CAPS2: variants seen among roughly 807,000 people sequenced by gnomAD.
The protein encoded by CAPS2 is calcyphosin-2.
In CAPS2, 98 loss-of-function variants were observed where a neutral mutation model predicts 86.5. The ratio of observed to expected loss-of-function variants is 1.13; its 90% CI spans 0.96 to 1.34. The LOEUF is 1.34. Among genes scored for constraint, CAPS2 ranks in the 40% most tolerant of loss-of-function variants. The pLI is 0.00. For missense variants in CAPS2, 729 were observed against 686.8 expected, an observed-to-expected ratio of 1.06 and a Z score of -0.69; for synonymous variants, 210 against 225.1, an observed-to-expected ratio of 0.93 and a Z score of 0.60.
At chr12:75,389,866 G>A (rs1369733247) in intron 1 of CAPS2, among the ~76,000 whole-genome samples, 1 of 152,090 alleles carries the variant, frequency 6.6e-6, no homozygotes, top group Non-Finnish European at 1.5e-5. Flanking sequence ...CTTGAAAGCT[G>A]GATCTGTGTC....
At chr12:75,337,204 C>G (rs532794647) in intron 1 of CAPS2, among the ~76,000 whole-genome samples, 1 of 151,430 alleles carries the variant, frequency 6.6e-6, no homozygotes, top group African/African-American at 2.4e-5. Flanking sequence ...AGGTAGGAAA[C>G]AAGTTTAAAT....
upstream of CAPS2, chr12:75,333,902 G>A (rs1194981839): frequency 1.3e-5 from 2 of 152,156 alleles, no homozygotes; most frequent in Admixed American, 6.5e-5. Flanking sequence ...CTGATGTAAT[G>A]AATTTAAAAC....
rs535946972 is a variant in CAPS2, at chr12:75,320,411, C to T, written c.468+989G>A. 3.3e-5 allele frequency among the ~76,000 whole-genome samples: 5 copies of T among 152,136 alleles called. No individual in the cohort carries two copies. The East Asian group carries it at 9.7e-4, about 29-fold the overall frequency. ...CCTGCAAACAATACATGGTGAGATG[C>T]TAAAAGGTTATGAAATTATTTTGCC... On this transcript the variant is annotated intron_variant, in intron 5 of 16. Coordinates refer to ENST00000393284, the Ensembl canonical transcript of CAPS2.
intron 1 of CAPS2, chr12:75,370,394 A>G (rs957549117): frequency 1.8e-5 from 7 of 388,690 alleles, no homozygotes; most frequent in Non-Finnish European, 2.8e-5. Context: ...TTACAAATCC[A>G]TATGTGTATC....
At chr12:75,293,121 A>C in intron 12 of CAPS2, 128 bp downstream of exon 12, 1 of 622,000 alleles carries the variant, frequency 1.6e-6, no homozygotes, top group South Asian at 2.1e-5. Flanking sequence ...ATACGTAGCT[A>C]TGCTTGTTTT....
chr12:75,383,291 G>A (rs910164975), intron 1 of CAPS2, among the ~76,000 whole-genome samples: 2 of 152,096 alleles, frequency 1.3e-5, no homozygotes, highest in Non-Finnish European at 2.9e-5. Flanking sequence ...GAAACCAAAT[G>A]AGATGCTTTT....
intron 14 of CAPS2, among the ~76,000 whole-genome samples, chr12:75,287,075 C>T (rs2035001846): frequency 6.6e-6 from 1 of 150,800 alleles, no homozygotes; most frequent in South Asian, 2.1e-4. Flanking sequence ...CAAGCACACA[C>T]ACACAAACAC....
At chr12:75,312,285 T>C (rs1319529849) in intron 7 of CAPS2, among the ~76,000 whole-genome samples, 1 of 152,194 alleles carries the variant, frequency 6.6e-6, no homozygotes, top group Non-Finnish European at 1.5e-5. Context: ...ATACTTGACA[T>C]CACTTGCACA....
intron 6 of CAPS2, 126 bp downstream of exon 6, chr12:75,316,186 A>G (rs2039740114): frequency 9.3e-6 from 11 of 1,181,040 alleles, no homozygotes; most frequent in Non-Finnish European, 1.3e-5. Flanking sequence ...TCAATTTTCC[A>G]TTAATGAATA....
At chr12:75,390,384 G>A (rs1167798569) in intron 1 of CAPS2, 3 of 456,162 alleles carry the variant, frequency 6.6e-6, no homozygotes, top group Non-Finnish European at 1.3e-5. Context: ...GAATTGTGCT[G>A]ATGAGAGAAG....
At chr12:75,343,718 T>C (rs747990084) in intron 1 of CAPS2, 8 of 1,611,268 alleles carry the variant, frequency 5.0e-6, no homozygotes, top group South Asian at 2.2e-5. Context: ...TTAGCAAAGA[T>C]GGCTAAAGCA....
intron 1 of CAPS2, among the ~76,000 whole-genome samples, chr12:75,381,299 C>T (rs1165194869): frequency 6.6e-6 from 1 of 152,194 alleles, no homozygotes; most frequent in African/African-American, 2.4e-5. Context: ...GAGAACTTCC[C>T]TAGCCATGCG....
intron 1 of CAPS2, chr12:75,362,955 AGAAAT>A: frequency 2.0e-6 from 1 of 502,232 alleles, no homozygotes; most frequent in Non-Finnish European, 3.6e-6. Context: ...TTTTAACAAA[AGAAAT>A]GAAAATAAAA....
At chr12:75,388,885 G>A (rs1463712099) in intron 1 of CAPS2, among the ~76,000 whole-genome samples, 2 of 152,074 alleles carry the variant, frequency 1.3e-5, no homozygotes, top group Non-Finnish European at 2.9e-5. Flanking sequence ...TATGTGTGGG[G>A]ACAGGAGTTA....
chr12:75,334,587 G>A (rs2041574987), upstream of CAPS2: 1 of 1,447,620 alleles, frequency 6.9e-7, no homozygotes, highest in African/African-American at 1.4e-5. Context: ...CTGACAAGTT[G>A]ATCCAGCCGC....
intron 15 of CAPS2, among the ~76,000 whole-genome samples, chr12:75,283,139 G>A (rs928396546): frequency 5.3e-5 from 8 of 152,172 alleles, no homozygotes; most frequent in African/African-American, 1.9e-4. Context: ...TCTATTTCTT[G>A]AAATTTAATA....
At chr12:75,293,354 G>A (rs2036336465) in exon 12 of CAPS2, 1 of 1,610,040 alleles carries the variant, frequency 6.2e-7, no homozygotes, top group Admixed American at 1.7e-5. Flanking sequence ...ACTCAAAAAT[G>A]TCAAGGTTGC....
intron 8 of CAPS2, among the ~76,000 whole-genome samples, chr12:75,303,199 A>G (rs1248040566): frequency 1.3e-5 from 2 of 152,236 alleles, no homozygotes; most frequent in Admixed American, 6.5e-5. Context: ...ACTACAAATA[A>G]CACCATGGAT....
chr12:75,378,558 T>C (rs986300623), intron 1 of CAPS2, among the ~76,000 whole-genome samples: 28 of 152,160 alleles, frequency 1.8e-4, no homozygotes, highest in African/African-American at 6.8e-4. Context: ...AGAGTTGCTG[T>C]TGCAATCTCT....
Sources: gnomAD v4.1 joint callset for allele counts (sites outside exome capture counted in the v4.1 genomes callset) on GRCh38, gnomAD v4.1.1 for gene constraint, MANE v1.5 for transcripts, NCBI Gene and HGNC (gene_info 2026-07-23, HGNC 2026-07-21) for gene names.